Variants in ANKIB1 observed in about 807,000 individuals in gnomAD.
ANKIB1 encodes the protein ankyrin repeat and IBR domain containing 1, also known as ankyrin repeat and IBR domain-containing protein 1.
In ANKIB1, 43 loss-of-function variants were observed where a neutral mutation model predicts 122.1. The ratio of observed to expected loss-of-function variants is 0.35; its 90% CI spans 0.28 to 0.45. The LOEUF (loss-of-function observed/expected upper bound fraction) is 0.45. ANKIB1 is among the 20% of genes least tolerant of loss of function. The pLI is 1.00. For missense variants in ANKIB1, 992 were observed against 1,329.5 expected (o/e 0.75, Z 3.95); for synonymous variants, 390 against 442.0 (o/e 0.88, Z 1.48).
chr7:92,252,143 A>T (rs1405549277), intron 1 of ANKIB1, among the ~76,000 whole-genome samples: 1 of 152,156 alleles, frequency 6.6e-6, no homozygotes, highest in Non-Finnish European at 1.5e-5. Flanking sequence ...ATGTAAAACC[A>T]TGCCACTAAT....
intron 9 of ANKIB1, among the ~76,000 whole-genome samples, chr7:92,360,889 G>C (rs1803928177): frequency 6.6e-6 from 1 of 151,678 alleles, no homozygotes; most frequent in South Asian, 2.1e-4. Flanking sequence ...CCTCGAAATG[G>C]GGTCTTGCTC....
intron 10 of ANKIB1, among the ~76,000 whole-genome samples, chr7:92,367,397 T>C (rs1368034251): frequency 6.6e-6 from 1 of 152,128 alleles, no homozygotes; most frequent in African/African-American, 2.4e-5. Flanking sequence ...AATACTAAAG[T>C]AGAACCCCAT....
At chr7:92,326,592 T>C (rs1411556789) in intron 4 of ANKIB1, among the ~76,000 whole-genome samples, 1 of 152,160 alleles carries the variant, frequency 6.6e-6, no homozygotes, top group African/African-American at 2.4e-5. Flanking sequence ...CTAGAAGCAA[T>C]GTATGACTTC....
intron 9 of ANKIB1, among the ~76,000 whole-genome samples, chr7:92,358,614 A>G (rs1172497251): frequency 1.4e-5 from 2 of 142,290 alleles, no homozygotes; most frequent in African/African-American, 2.6e-5. Flanking sequence ...TTCCCAGAAC[A>G]TTTTCAGAAA....
chr7:92,346,870 G>A (rs1803552528), intron 7 of ANKIB1, among the ~76,000 whole-genome samples: 1 of 152,178 alleles, frequency 6.6e-6, no homozygotes, highest in African/African-American at 2.4e-5. Flanking sequence ...CATAAGAAAT[G>A]TATGGTAAGA....
intron 14 of ANKIB1, among the ~76,000 whole-genome samples, chr7:92,388,679 C>T (rs1193352110): frequency 6.6e-6 from 1 of 152,080 alleles, no homozygotes; most frequent in Non-Finnish European, 1.5e-5. Flanking sequence ...AAAAAGTCAC[C>T]TTTTAAAAAT....
chr7:92,357,177 G>A (rs1299064074), intron 9 of ANKIB1, among the ~76,000 whole-genome samples: 1 of 152,138 alleles, frequency 6.6e-6, no homozygotes, highest in Non-Finnish European at 1.5e-5. Context: ...TTGATCACTT[G>A]ATGTTAGGTT....
chr7:92,291,003 A>T (rs981862827), intron 1 of ANKIB1, among the ~76,000 whole-genome samples: 1 of 152,144 alleles, frequency 6.6e-6, no homozygotes, highest in African/African-American at 2.4e-5. Context: ...AACTAGAAGA[A>T]TATAATTGGG....
At chr7:92,333,255 G>A (rs961188691) in intron 5 of ANKIB1, among the ~76,000 whole-genome samples, 2 of 152,134 alleles carry the variant, frequency 1.3e-5, no homozygotes, top group Non-Finnish European at 2.9e-5. Context: ...GAAAATGGAA[G>A]TGTTTATTTT....
At chr7:92,296,219 T>C (rs753183692) in intron 2 of ANKIB1, among the ~76,000 whole-genome samples, 1 of 150,782 alleles carries the variant, frequency 6.6e-6, no homozygotes, top group East Asian at 1.9e-4. Flanking sequence ...TTCCCTCTCT[T>C]ACCTAATTTT....
intron 7 of ANKIB1, among the ~76,000 whole-genome samples, chr7:92,348,663 C>T (rs1218443876): frequency 6.6e-6 from 1 of 152,094 alleles, no homozygotes; most frequent in Non-Finnish European, 1.5e-5. Context: ...GGATTATAGG[C>T]GTGAGCCACC....
At chr7:92,328,717 T>G (rs1161681523) in intron 5 of ANKIB1, among the ~76,000 whole-genome samples, 1 of 151,906 alleles carries the variant, frequency 6.6e-6, no homozygotes, top group Non-Finnish European at 1.5e-5. Context: ...TTCCAGTCAT[T>G]TTGAGGCCCT....
At chr7:92,277,700 A>C (rs1801932236) in intron 1 of ANKIB1, among the ~76,000 whole-genome samples, 1 of 152,166 alleles carries the variant, frequency 6.6e-6, no homozygotes, top group African/African-American at 2.4e-5. Flanking sequence ...TAATCCCAGC[A>C]GTTTGGGAGG....
chr7:92,346,288 G>A (rs993754195), intron 7 of ANKIB1, among the ~76,000 whole-genome samples: 2 of 151,944 alleles, frequency 1.3e-5, no homozygotes, highest in Non-Finnish European at 2.9e-5. Context: ...ACACCACCAC[G>A]CTCTGCTAAT....
At chr7:92,267,942 T>TA (rs1801708777) in intron 1 of ANKIB1, among the ~76,000 whole-genome samples, 1 of 152,174 alleles carries the variant, frequency 6.6e-6, no homozygotes, top group South Asian at 2.1e-4. Flanking sequence ...GGAAGGGACC[T>TA]ATTGCATAAA....
intron 1 of ANKIB1, among the ~76,000 whole-genome samples, chr7:92,261,736 G>A (rs763805568): frequency 1.2e-4 from 18 of 152,172 alleles, no homozygotes; most frequent in Admixed American, 2.0e-4. Flanking sequence ...TGAATTGGAG[G>A]AGTTAGGTTC....
At chr7:92,256,927 C>T (rs115333923) in intron 1 of ANKIB1, among the ~76,000 whole-genome samples, 4,995 of 152,276 alleles carry the variant, frequency 0.033, 288 homozygotes, top group African/African-American at 0.11. Context: ...CTGTGGCTCA[C>T]GCCTGTAATC....
Position 92,307,571 on chromosome 7 carries a change from A to AGAGCAGC in ANKIB1, c.404_405insCAGCGAG (p.Arg135SerfsTer7). 6.2e-7 allele frequency: 1 copy of AGAGCAGC among 1,613,796 alleles called. No homozygotes were observed. The highest frequency in any genetic ancestry group is 8.5e-7 in the Non-Finnish European group (1 of 1,179,874). ...GCAAAACTTGACCAGGGTGAATATG[A>AGAGCAGC]GAGAGCAGCTATTGATGCTGTTGAT... On this transcript the variant is annotated frameshift_variant, in exon 3 of 20. Coordinates refer to ENST00000265742, the MANE Select transcript of ANKIB1 (RefSeq NM_019004.2). LOFTEE classifies it high-confidence loss of function.
intron 1 of ANKIB1, among the ~76,000 whole-genome samples, chr7:92,250,317 C>T (rs1292632169): frequency 6.6e-6 from 1 of 152,128 alleles, no homozygotes; most frequent in African/African-American, 2.4e-5. Flanking sequence ...CGCCTGAACC[C>T]AGGAGGCAGA....
Sources: gnomAD v4.1 joint callset for allele counts (sites outside exome capture counted in the v4.1 genomes callset) on GRCh38, gnomAD v4.1.1 for gene constraint, MANE v1.5 for transcripts, NCBI Gene and HGNC (gene_info 2026-07-23, HGNC 2026-07-21) for gene names.